The following COTL1 variants were observed in gnomAD, a reference collection of about 807,000 sequenced individuals.
COTL1 encodes the protein coactosin like F-actin binding protein 1.
A neutral mutation model predicts 16.5 loss-of-function variants in COTL1; 15 were observed. The observed-to-expected ratio is 0.91, with a 90% CI of 0.61 to 1.40. The LOEUF (loss-of-function observed/expected upper bound fraction) is 1.40, where lower values mean the gene tolerates loss of function less well. Among genes scored for constraint, COTL1 ranks in the 40% most tolerant of loss-of-function variants. The pLI, the probability that COTL1 is intolerant of heterozygous loss-of-function variation, is 0.00. For synonymous variants in COTL1, 112 were observed against 85.3 expected, an observed-to-expected ratio of 1.31 and a Z score of -1.73; for missense variants, 220 against 201.5, an observed-to-expected ratio of 1.09 and a Z score of -0.56.
Position 84,587,799 on chromosome 16 carries a change from A to AT in COTL1, c.318+2305dup, listed in dbSNP as rs1409890343. 4.8e-5 allele frequency among the ~76,000 whole-genome samples: 7 copies of AT among 146,560 alleles called. No homozygotes were observed. The East Asian group carries it at 6.2e-4, about 13-fold the overall frequency. ...ATTTATTTATTTATTTATTTATTTT[A>AT]TTTATTTTTTTGGAGACTCGCTCCA... On this transcript the variant is annotated intron_variant, in intron 3 of 3. Coordinates refer to ENST00000262428, the MANE Select transcript of COTL1 (RefSeq NM_021149.5).
rs187504897 is a variant in COTL1 at position 84,581,751 on chromosome 16, C to T, written c.318+8354G>A. 1.2e-3 allele frequency among the ~76,000 whole-genome samples: 179 copies of T among 152,226 alleles called. 2 individuals are homozygous for T. The highest frequency in any genetic ancestry group is 4.1e-3 in the African/African-American group (172 of 41,540). ...AACTCCTGACCTCAGGTGATCTACC[C>T]GCCTTGGCCTCCCAAAGTGCTAGGA... On this transcript the variant is annotated intron_variant, in intron 3 of 3. Coordinates refer to ENST00000262428, the MANE Select transcript of COTL1 (RefSeq NM_021149.5).
intron 3 of COTL1, among the ~76,000 whole-genome samples, chr16:84,569,439 G>C (rs934165): frequency 6.6e-4 from 101 of 152,172 alleles, no homozygotes; most frequent in African/African-American, 2.3e-3. Context: ...GGAGCATCCC[G>C]AAGTCAAGCT....
intron 3 of COTL1, among the ~76,000 whole-genome samples, chr16:84,588,758 C>T (rs997079155): frequency 6.6e-6 from 1 of 152,124 alleles, no homozygotes; most frequent in Non-Finnish European, 1.5e-5. Flanking sequence ...CACAAGCAAT[C>T]CTCCCACCTT....
intron 3 of COTL1, among the ~76,000 whole-genome samples, chr16:84,587,050 G>T (rs1275215965): frequency 6.6e-6 from 1 of 152,170 alleles, no homozygotes; most frequent in Non-Finnish European, 1.5e-5. Context: ...AATTCAGCAG[G>T]AGACCTTTGG....
chr16:84,586,162 G>A (rs899524418), intron 3 of COTL1, among the ~76,000 whole-genome samples: 1 of 152,246 alleles, frequency 6.6e-6, no homozygotes, highest in Admixed American at 6.5e-5. Context: ...GCTGCCTGAC[G>A]CCAACCCCAG....
At chr16:84,603,699 A>G (rs1905149902) in intron 2 of COTL1, among the ~76,000 whole-genome samples, 1 of 152,090 alleles carries the variant, frequency 6.6e-6, no homozygotes, top group Admixed American at 6.5e-5. Flanking sequence ...GGGGAGAGGC[A>G]GGGCTGTGCT....
intron 2 of COTL1, among the ~76,000 whole-genome samples, chr16:84,606,111 C>T (rs1905206472): frequency 1.3e-5 from 2 of 152,234 alleles, no homozygotes; most frequent in South Asian, 2.1e-4. Flanking sequence ...TAAATGCTGA[C>T]GTGCCATGCC....
chr16:84,596,427 T>C (rs1905006557), intron 2 of COTL1: 1 of 152,152 alleles, frequency 6.6e-6, no homozygotes, highest in Non-Finnish European at 1.5e-5. Context: ...GTTGGGAGGA[T>C]TACATGAAAA....
intron 2 of COTL1, among the ~76,000 whole-genome samples, chr16:84,600,651 A>C (rs1284094090): frequency 6.6e-6 from 1 of 152,182 alleles, no homozygotes; most frequent in Admixed American, 6.5e-5. Flanking sequence ...TTGTGTGGGT[A>C]TCTGCGTGTA....
chr16:84,585,163 G>A (rs1904687764), intron 3 of COTL1, among the ~76,000 whole-genome samples: 1 of 151,984 alleles, frequency 6.6e-6, no homozygotes, highest in East Asian at 1.9e-4. Flanking sequence ...CTTGCCCATG[G>A]TCAGGCAGGT....
intron 2 of COTL1, chr16:84,594,851 C>A (rs962073206): frequency 3.9e-5 from 6 of 152,918 alleles, no homozygotes; most frequent in Admixed American, 3.3e-4. Flanking sequence ...CTCAGTGTCG[C>A]CCCCTCCCAC....
At chr16:84,601,381 A>G (rs983595299) in intron 2 of COTL1, among the ~76,000 whole-genome samples, 15 of 152,266 alleles carry the variant, frequency 9.9e-5, no homozygotes, top group Admixed American at 9.2e-4. Context: ...AGCATCAAGG[A>G]AAGAAGGAAA....
chr16:84,613,000 TTCTTTC>T (rs1905369538), intron 2 of COTL1, among the ~76,000 whole-genome samples: 4 of 114,940 alleles, frequency 3.5e-5, no homozygotes, highest in East Asian at 2.9e-4. Context: ...CTTTCTTTCT[TTCTTTC>T]TTTTTTTTTT....
chr16:84,608,816 G>C (rs2150696245), intron 2 of COTL1, among the ~76,000 whole-genome samples: 1 of 152,312 alleles, frequency 6.6e-6, no homozygotes, highest in Middle Eastern at 3.4e-3. Flanking sequence ...TGAGGTAGGA[G>C]AATCGCCTGA....
At chr16:84,592,540 C>T (rs569525689) in intron 2 of COTL1, among the ~76,000 whole-genome samples, 17 of 150,984 alleles carry the variant, frequency 1.1e-4, no homozygotes, top group East Asian at 7.8e-4. Flanking sequence ...CTGGGGTCTA[C>T]GCTTCTAAGA....
chr16:84,596,037 C>T (rs1904998188), intron 2 of COTL1: 1 of 152,184 alleles, frequency 6.6e-6, no homozygotes, highest in Non-Finnish European at 1.5e-5. Context: ...CTGGGCTTTC[C>T]ATCACCCTCA....
At chr16:84,568,869 G>C (rs905474054) in intron 3 of COTL1, 2 of 152,322 alleles carry the variant, frequency 1.3e-5, no homozygotes, top group Admixed American at 1.3e-4. Flanking sequence ...TACAATGCTT[G>C]TCCGAAGTCA....
intron 3 of COTL1, among the ~76,000 whole-genome samples, chr16:84,574,062 G>A (rs1323232487): frequency 1.3e-5 from 2 of 152,114 alleles, no homozygotes; most frequent in African/African-American, 2.4e-5. Flanking sequence ...CAGCTACTTG[G>A]GAGGCTGAGG....
intron 3 of COTL1, among the ~76,000 whole-genome samples, chr16:84,589,083 G>A (rs959877750): frequency 4.0e-5 from 6 of 151,722 alleles, no homozygotes; most frequent in South Asian, 2.1e-4. Flanking sequence ...CGAACCTCCC[G>A]CCTCAGCCTC....
Sources: gnomAD v4.1 joint callset for allele counts (sites outside exome capture counted in the v4.1 genomes callset) on GRCh38, gnomAD v4.1.1 for gene constraint, MANE v1.5 for transcripts, NCBI Gene and HGNC (gene_info 2026-07-23, HGNC 2026-07-21) for gene names.